The following TCERG1L variants were observed in gnomAD, a reference collection of about 807,000 sequenced individuals.
The protein encoded by TCERG1L is transcription elongation regulator 1-like protein.
In TCERG1L, 37 loss-of-function variants were observed where a neutral mutation model predicts 56.3. That is an observed-to-expected ratio of 0.66 (90% CI 0.51 to 0.87). The LOEUF (loss-of-function observed/expected upper bound fraction) is 0.87, where lower values mean the gene tolerates loss of function less well. Among genes scored for constraint, TCERG1L ranks in the 40% least tolerant of loss-of-function variants. The pLI is 0.00. For synonymous variants in TCERG1L, 324 were observed against 326.3 expected (o/e 0.99, Z 0.08); for missense variants, 799 against 774.2 (o/e 1.03, Z -0.38).
intron 4 of TCERG1L, among the ~76,000 whole-genome samples, chr10:131,201,038 A>G (rs1845428170): frequency 6.6e-6 from 1 of 152,190 alleles, no homozygotes; most frequent in Admixed American, 6.5e-5. Context: ...CGTGGAGGGC[A>G]GCTTTTGTGG....
chr10:131,176,178 G>A (rs1478775101), intron 4 of TCERG1L, among the ~76,000 whole-genome samples: 1 of 152,156 alleles, frequency 6.6e-6, no homozygotes, highest in Non-Finnish European at 1.5e-5. Context: ...TTGGGTGCCT[G>A]AGCTGGACCA....
intron 9 of TCERG1L, among the ~76,000 whole-genome samples, chr10:131,105,871 C>T (rs920540597): frequency 3.3e-5 from 5 of 152,208 alleles, no homozygotes; most frequent in South Asian, 2.1e-4. Flanking sequence ...TTGGCCTTGG[C>T]GAGCTCCCGT....
At chr10:131,138,220 T>A (rs1845696650) in intron 7 of TCERG1L, among the ~76,000 whole-genome samples, 1 of 152,138 alleles carries the variant, frequency 6.6e-6, no homozygotes, top group Non-Finnish European at 1.5e-5. Flanking sequence ...TTGAACTCTG[T>A]AGTCAGCCAA....
At chr10:131,131,433 G>A (rs1026637822) in intron 8 of TCERG1L, among the ~76,000 whole-genome samples, 4 of 152,180 alleles carry the variant, frequency 2.6e-5, no homozygotes, top group African/African-American at 7.2e-5. Flanking sequence ...GGGGCCGAGC[G>A]GTCATGAATC....
intron 3 of TCERG1L, among the ~76,000 whole-genome samples, chr10:131,280,611 C>T (rs1157143149): frequency 6.6e-6 from 1 of 152,136 alleles, no homozygotes; most frequent in Non-Finnish European, 1.5e-5. Context: ...CTTGACTTTT[C>T]CCTTTAGCTT....
At chr10:131,102,255 T>C (rs1309951755) in intron 10 of TCERG1L, among the ~76,000 whole-genome samples, 1 of 152,206 alleles carries the variant, frequency 6.6e-6, no homozygotes, top group Non-Finnish European at 1.5e-5. Flanking sequence ...TCAAGTTCTG[T>C]ATTCCAAGGC....
intron 6 of TCERG1L, among the ~76,000 whole-genome samples, chr10:131,158,802 G>A (rs540795679): frequency 2.4e-4 from 37 of 152,326 alleles, no homozygotes; most frequent in South Asian, 4.1e-4. Context: ...AGGATGCACC[G>A]TCATGGGACA....
chr10:131,100,676 T>C (rs1009262336), intron 10 of TCERG1L, among the ~76,000 whole-genome samples: 2 of 152,226 alleles, frequency 1.3e-5, no homozygotes, highest in African/African-American at 4.8e-5. Flanking sequence ...CCTCTTCTCC[T>C]GTGCAGCTCC....
In TCERG1L at chr10:131,110,902, C is replaced by T. The variant is rs966129496; in HGVS notation, c.1395+5897G>A. Among the ~76,000 whole-genome samples the T allele has an allele frequency of 7.8e-5, 9 of 114,986 alleles. 1 individual carries two copies. Among genetic ancestry groups the T allele is most frequent in the Non-Finnish European group, 1.7e-4 (8 of 48,200 alleles). The allele number at this position is 114,986 out of a possible 152,430, so 75.4% of individuals were successfully genotyped here. A position where few individuals can be genotyped will look rare whatever the true frequency, so the allele number is the denominator to read the frequency against. On this transcript the variant is annotated intron_variant, in intron 9 of 11. Transcript: ENST00000368642. ...GTGTGATGGCTCCCGGAGGTTATCA[C>T]GGACAGGACACGACTGGATTGGCAG...
intron 4 of TCERG1L, among the ~76,000 whole-genome samples, chr10:131,170,508 G>A (rs1320377905): frequency 1.3e-5 from 2 of 151,802 alleles, no homozygotes; most frequent in East Asian, 2.0e-4. Flanking sequence ...GCTCTGAGAT[G>A]TGAAGTGCTC....
chr10:131,101,093 T>C (rs1321119776), intron 10 of TCERG1L, among the ~76,000 whole-genome samples: 1 of 152,246 alleles, frequency 6.6e-6, no homozygotes, highest in African/African-American at 2.4e-5. Flanking sequence ...GCATGAGCTA[T>C]ATTCTCATCT....
chr10:131,180,051 C>T (rs1845153646), intron 4 of TCERG1L, among the ~76,000 whole-genome samples: 1 of 152,200 alleles, frequency 6.6e-6, no homozygotes, highest in Non-Finnish European at 1.5e-5. Flanking sequence ...GAAAGACAGA[C>T]ATGGTCTTCC....
At chr10:131,112,930 C>T (rs1488252976) in intron 9 of TCERG1L, among the ~76,000 whole-genome samples, 1 of 142,138 alleles carries the variant, frequency 7.0e-6, no homozygotes, top group Admixed American at 6.9e-5. Flanking sequence ...GTGTTCAATC[C>T]CTAGCGTTTA....
intron 7 of TCERG1L, among the ~76,000 whole-genome samples, chr10:131,135,984 G>T (rs1343766719): frequency 6.6e-6 from 1 of 152,226 alleles, no homozygotes; most frequent in Non-Finnish European, 1.5e-5. Context: ...GAGCTGGACT[G>T]CTGTGCCCTG....
At chr10:131,226,948 C>T (rs1425431489) in intron 4 of TCERG1L, among the ~76,000 whole-genome samples, 1 of 152,252 alleles carries the variant, frequency 6.6e-6, no homozygotes, top group Non-Finnish European at 1.5e-5. Context: ...GAGTCGCTGT[C>T]AGCTCCCGCA....
At chr10:131,277,708 A>G (rs746053234) in intron 3 of TCERG1L, among the ~76,000 whole-genome samples, 4 of 152,202 alleles carry the variant, frequency 2.6e-5, no homozygotes, top group Non-Finnish European at 5.9e-5. Flanking sequence ...GGATAAACAC[A>G]GAGGCAGGCA....
intron 3 of TCERG1L, among the ~76,000 whole-genome samples, chr10:131,285,420 A>G (rs988737172): frequency 1.8e-5 from 2 of 110,770 alleles, no homozygotes; most frequent in African/African-American, 5.9e-5. Context: ...GGAAAGAGAG[A>G]GAGAGAGAAA....
At chr10:131,170,913 C>T (rs941310310) in intron 4 of TCERG1L, among the ~76,000 whole-genome samples, 2 of 152,056 alleles carry the variant, frequency 1.3e-5, no homozygotes, top group Non-Finnish European at 2.9e-5. Context: ...TTTGGGAGGC[C>T]GAGGTGGGCG....
rs200875249 is a variant in TCERG1L at position 131,239,111 on chromosome 10, A to G, written c.856+21148T>C. Among the ~76,000 whole-genome samples the G allele has an allele frequency of 2.9e-4, 44 of 152,372 alleles. 1 individual carries two copies. The East Asian group carries it at 6.9e-3, about 24-fold the overall frequency. On this transcript the variant is annotated intron_variant, in intron 4 of 11. Transcript: ENST00000368642. Reference sequence around the variant, plus strand: ...CATTTGAGGCTGCTGAAGCCCAGCCAGCTGGGTGTAAGGAAGCCCAGAGCT... The same window carrying G: ...CATTTGAGGCTGCTGAAGCCCAGCCGGCTGGGTGTAAGGAAGCCCAGAGCT...
Sources: allele counts gnomAD v4.1 joint callset (sites outside exome capture counted in the v4.1 genomes callset), GRCh38; gene constraint gnomAD v4.1.1; transcripts MANE v1.5; gene names NCBI Gene and HGNC (gene_info 2026-07-23, HGNC 2026-07-21).